The following CUL4A variants were observed in gnomAD, a reference collection of about 807,000 sequenced individuals.
CUL4A encodes the protein cullin-4A.
In CUL4A, 16 loss-of-function variants were observed where a neutral mutation model predicts 95.5. The observed-to-expected ratio is 0.17, with a 90% confidence interval of 0.11 to 0.25. The LOEUF is 0.25. CUL4A is among the 10% of genes least tolerant of loss of function. CUL4A has a pLI of 1.00. For missense variants in CUL4A, 610 were observed against 937.0 expected (o/e 0.65, Z 4.56); for synonymous variants, 380 against 353.1 (o/e 1.08, Z -0.85).
chr13:113,210,035 C>G lies in CUL4A; in HGVS notation c.211C>G (p.Arg71Gly), dbSNP rs367817441. ...GTGGCGGAAGCTGCACGAGGCGGTG[C>G]GGGCCGTGCAGAGCAGCACCTCCAT... ...DTWRKLHEAV[R>G]AVQSSTSIRY... Residue 71 changes from arginine to glycine, a missense_variant, in exon 2 of 20, where the codon CGG becomes GGG. Around this residue, in one of 10 missense-constraint regions of CUL4A, gnomAD observed 168 missense variants for 185.5 expected, o/e 0.91. Transcript: ENST00000375440. 6.6e-7 allele frequency: 1 copy of G among 1,526,322 alleles called. No homozygotes were observed. The allele number at this position is 1,526,322 out of a possible 1,614,324, so 94.5% of individuals were successfully genotyped here.
intron 9 of CUL4A, among the ~76,000 whole-genome samples, chr13:113,238,080 A>G (rs754455438): frequency 9.2e-5 from 14 of 152,142 alleles, no homozygotes; most frequent in Non-Finnish European, 1.6e-4. Context: ...CACATCACCT[A>G]TCCACCTAAA....
At chr13:113,239,412 G>T (rs749261274) in intron 9 of CUL4A, 21 bp from the exon 10 acceptor site, 3 of 1,597,884 alleles carry the variant, frequency 1.9e-6, no homozygotes, top group Non-Finnish European at 2.6e-6. Context: ...GTACTCTGCT[G>T]ACGTGTACTG....
chr13:113,253,068 CCTA>C lies in CUL4A; in HGVS notation c.1639-13_1639-11del, dbSNP rs768007926. 6.9e-7 allele frequency: 1 copy of C among 1,443,500 alleles called. No individual in the cohort carries two copies. Among genetic ancestry groups the C allele is most frequent in the Non-Finnish European group, 9.6e-7 (1 of 1,037,810 alleles). The allele number at this position is 1,443,500 out of a possible 1,614,324, so 89.4% of individuals were successfully genotyped here. ...GTGTGTGGCATAATTTTGTTGTTCTCCTATGCTTAACAGATGATTAAACTTCAG... is the reference window on the plus strand; with the variant it reads ...GTGTGTGGCATAATTTTGTTGTTCTCTGCTTAACAGATGATTAAACTTCAG... On this transcript the variant is annotated splice_polypyrimidine_tract_variant and intron_variant, in intron 15 of 19. Transcript: ENST00000375440.
At position 113,227,991 on chromosome 13, in the gene CUL4A, T is replaced by A. The variant is rs1235578862; in HGVS notation, c.384T>A (p.Ser128Arg). The A allele has an allele frequency of 2.5e-6, 4 of 1,609,904 alleles. No homozygotes were observed. The African/African-American group carries it at 5.4e-5, about 22-fold the overall frequency. Residue 128 changes from serine (S) to arginine (R), a missense_variant, in exon 4 of 20, where the codon AGT (serine) becomes AGA (arginine). Coordinates refer to ENST00000375440, the MANE Select transcript of CUL4A (RefSeq NM_001008895.4). ...AGATCTGTACAGACTCACTAGATAG[T>A]GTTTTATTTTTAAAGAAGATTAACA... ...ILPFREDSLD[S>R]VLFLKKINTC...
At chr13:113,253,860 A>G (rs2042055599) in intron 16 of CUL4A, among the ~76,000 whole-genome samples, 1 of 152,250 alleles carries the variant, frequency 6.6e-6, no homozygotes, top group South Asian at 2.1e-4. Flanking sequence ...CTAAGCAAAA[A>G]CATAAAATTC....
intron 12 of CUL4A, among the ~76,000 whole-genome samples, chr13:113,244,743 A>T (rs2041813516): frequency 6.6e-6 from 1 of 151,884 alleles, no homozygotes; most frequent in Admixed American, 6.6e-5. Flanking sequence ...TGGGAGGCTG[A>T]GGCAGAGAAT....
At chr13:113,239,931 T>C (rs1439194729) in intron 10 of CUL4A, among the ~76,000 whole-genome samples, 1 of 152,280 alleles carries the variant, frequency 6.6e-6, no homozygotes, top group African/African-American at 2.4e-5. Flanking sequence ...GGGAGAACTA[T>C]TATATATTTG....
intron 15 of CUL4A, among the ~76,000 whole-genome samples, chr13:113,249,218 A>G (rs2041930947): frequency 1.3e-5 from 2 of 151,996 alleles, no homozygotes. Context: ...GTGCTGCACC[A>G]TACATGAGCG....
intron 15 of CUL4A, among the ~76,000 whole-genome samples, chr13:113,247,316 T>C (rs2041883220): frequency 6.6e-6 from 1 of 152,128 alleles, no homozygotes. Flanking sequence ...AAGGGTACCA[T>C]CTAACAGTAG....
intron 8 of CUL4A, among the ~76,000 whole-genome samples, chr13:113,235,929 C>G (rs1317831638): frequency 6.6e-6 from 1 of 151,256 alleles, no homozygotes; most frequent in African/African-American, 2.4e-5. Context: ...CGAGATCACG[C>G]CACTGCACTC....
rs976921505 is a variant in CUL4A, at chr13:113,210,038, G to A, written c.214G>A (p.Ala72Thr). The A allele has an allele frequency of 5.2e-6, 8 of 1,525,526 alleles. No homozygotes were observed. The highest frequency in any genetic ancestry group is 7.0e-6 in the Non-Finnish European group (8 of 1,137,320). The allele number at this position is 1,525,526 out of a possible 1,614,324, so 94.5% of individuals were successfully genotyped here. ...GCGGAAGCTGCACGAGGCGGTGCGG[G>A]CCGTGCAGAGCAGCACCTCCATCAG... ...TWRKLHEAVR[A>T]VQSSTSIRYN... Residue 72 changes from alanine (A) to threonine (T), a missense_variant, in exon 2 of 20, where the codon GCC becomes ACC. Around this residue, in one of 10 missense-constraint regions of CUL4A, gnomAD observed 168 missense variants for 185.5 expected, o/e 0.91. Coordinates refer to ENST00000375440, the MANE Select transcript of CUL4A (RefSeq NM_001008895.4).
Position 113,264,933 on chromosome 13 carries a change from C to T in CUL4A, c.*1351C>T, listed in dbSNP as rs1034910905. On this transcript the variant is annotated 3_prime_UTR_variant, in exon 20 of 20. Transcript: ENST00000375440. ...TCCATGATATGTGGTCTAAGAAAGA[C>T]CAAACAGATTTCTATTTTTTTTTTC... 1.0e-5 allele frequency: 1 copy of T among 96,474 alleles called. No individual in the cohort carries two copies. Among genetic ancestry groups the T allele is most frequent in the African/African-American group, 3.7e-5 (1 of 27,252 alleles). The allele number at this position is 96,474 out of a possible 1,614,324, so 6.0% of individuals were successfully genotyped here. A position where few individuals can be genotyped will look rare whatever the true frequency, so the allele number is the denominator to read the frequency against.
chr13:113,225,245 C>T (rs555622585), intron 3 of CUL4A, among the ~76,000 whole-genome samples: 31 of 152,260 alleles, frequency 2.0e-4, no homozygotes, highest in Middle Eastern at 3.4e-3. Flanking sequence ...TTGACAGACT[C>T]ACGGTGTCTG....
chr13:113,208,889 G>A (rs1567000624), upstream of CUL4A: 2 of 1,394,020 alleles, frequency 1.4e-6, no homozygotes, highest in African/African-American at 1.5e-5. Flanking sequence ...GCCCGCCCGG[G>A]CTGAGGGGTT....
chr13:113,218,449 C>T (rs894844562), intron 2 of CUL4A, among the ~76,000 whole-genome samples: 18 of 152,184 alleles, frequency 1.2e-4, no homozygotes, highest in Non-Finnish European at 2.1e-4. Flanking sequence ...TGTTGTTCTC[C>T]TTCCTGATGG....
At position 113,266,172 on chromosome 13, in the gene CUL4A, C is replaced by A. The variant is rs540999065; in HGVS notation, c.*2590C>A. 6.6e-6 allele frequency: 1 copy of A among 152,080 alleles called. No individual in the cohort carries two copies. The highest frequency in any genetic ancestry group is 1.5e-5 in the Non-Finnish European group (1 of 68,026). The allele number at this position is 152,080 out of a possible 1,614,324, so 9.4% of individuals were successfully genotyped here. A position where few individuals can be genotyped will look rare whatever the true frequency, so the allele number is the denominator to read the frequency against. On this transcript the variant is annotated 3_prime_UTR_variant, in exon 20 of 20. Transcript: ENST00000375440. ...CTGGGCCTACAGGTGTACATCACCA[C>A]GCCCAGATAATTTTTATTGTATTTT...
intron 18 of CUL4A, among the ~76,000 whole-genome samples, chr13:113,257,927 C>G (rs937781873): frequency 6.6e-6 from 1 of 152,102 alleles, no homozygotes; most frequent in African/African-American, 2.4e-5. Flanking sequence ...TGAATTATCA[C>G]CTTATTATGT....
intron 9 of CUL4A, among the ~76,000 whole-genome samples, chr13:113,238,067 C>T (rs962208869): frequency 2.0e-5 from 3 of 152,130 alleles, no homozygotes; most frequent in Non-Finnish European, 4.4e-5. Flanking sequence ...ACACTGAAAC[C>T]TACACATCAC....
intron 2 of CUL4A, among the ~76,000 whole-genome samples, chr13:113,215,519 C>T (rs760936261): frequency 1.4e-5 from 2 of 148,030 alleles, no homozygotes; most frequent in Non-Finnish European, 3.0e-5. Context: ...GAGGTCTCGT[C>T]CATGTGGCTG....
Sources: allele counts gnomAD v4.1 joint callset (sites outside exome capture counted in the v4.1 genomes callset), GRCh38; gene constraint gnomAD v4.1.1; regional missense constraint gnomAD v4.1.1; transcripts MANE v1.5; gene names NCBI Gene and HGNC (gene_info 2026-07-23, HGNC 2026-07-21).